FAT1: variants seen among roughly 807,000 people sequenced by gnomAD.
The protein encoded by FAT1 is FAT atypical cadherin 1.
A neutral mutation model predicts 329.8 loss-of-function variants in FAT1; 171 were observed. That is an observed-to-expected ratio of 0.52 (90% CI 0.46 to 0.59). The LOEUF is 0.59. Ranked by LOEUF, FAT1 falls within the 20% of genes least tolerant of loss-of-function variation. The probability of loss-of-function intolerance (pLI) is 0.00; values close to 1 mark genes in which losing one functional copy is unlikely to be tolerated. For synonymous variants in FAT1, 2,233 were observed against 2,228.6 expected (o/e 1.00, Z -0.06); for missense variants, 5,672 against 5,774.4 (o/e 0.98, Z 0.57).
chr4:186,655,768 A>G (rs1048240551), intron 3 of FAT1, among the ~76,000 whole-genome samples: 1 of 152,248 alleles, frequency 6.6e-6, no homozygotes, highest in African/African-American at 2.4e-5. Context: ...CAATACTGTT[A>G]TGGAAAAACC....
intron 4 of FAT1, among the ~76,000 whole-genome samples, chr4:186,638,995 G>A (rs938215651): frequency 8.7e-5 from 13 of 149,522 alleles, no homozygotes; most frequent in Non-Finnish European, 1.3e-4. Flanking sequence ...TCCATGTTAC[G>A]CTCCACCTTC....
At chr4:186,675,179 T>TA (rs1393653286) in intron 2 of FAT1, among the ~76,000 whole-genome samples, 2 of 152,000 alleles carry the variant, frequency 1.3e-5, no homozygotes, top group African/African-American at 2.4e-5. Flanking sequence ...TTATTAACTA[T>TA]AAAAAAACTA....
intron 9 of FAT1, among the ~76,000 whole-genome samples, chr4:186,627,291 C>T (rs1056421361): frequency 6.9e-6 from 1 of 143,962 alleles, no homozygotes; most frequent in African/African-American, 2.6e-5. Flanking sequence ...GCACATAAAG[C>T]GAGCTTCATC....
In FAT1 at chr4:186,619,191, C is replaced by G. The variant is rs1739894569; in HGVS notation, c.7395G>C (p.Leu2465=). 1 of 1,613,958 alleles carries G rather than the reference C, an allele frequency of 6.2e-7. No homozygotes were observed. Among genetic ancestry groups the G allele is most frequent in the African/African-American group, 1.3e-5 (1 of 75,044 alleles). ...HALKPFYSLN[L]SVSDGVFRSS... ...TTCTAAAAACTCCATCAGACACTGA[C>G]AGGTTAAGACTGTAAAATGGCTTCA... The change falls in exon 10 of 27, where the codon CTG becomes CTC. Residue 2465 remains leucine (L), a synonymous_variant. Coordinates refer to ENST00000441802, the MANE Select transcript of FAT1 (RefSeq NM_005245.4).
intron 16 of FAT1, among the ~76,000 whole-genome samples, chr4:186,608,378 AT>A (rs1005886919): frequency 2.0e-5 from 3 of 151,572 alleles, no homozygotes; most frequent in African/African-American, 4.8e-5. Flanking sequence ...TCGGGGTTGT[AT>A]TTTTTTTGTT....
intron 2 of FAT1, among the ~76,000 whole-genome samples, chr4:186,695,020 G>C (rs1403284390): frequency 6.6e-6 from 1 of 152,088 alleles, no homozygotes; most frequent in Non-Finnish European, 1.5e-5. Flanking sequence ...ATAGTTGGGT[G>C]AGCTCAATTT....
At position 186,709,262 on chromosome 4, in the gene FAT1, T is replaced by C. The variant is rs755356962; in HGVS notation, c.566A>G (p.Lys189Arg). 9.3e-6 allele frequency: 15 copies of C among 1,613,996 alleles called. No homozygotes were observed. Among genetic ancestry groups the C allele is most frequent in the Non-Finnish European group, 1.3e-5 (15 of 1,179,904 alleles). ...GTNGEFYYSF[K>R]DRTDMFAIHP... ...AATAGCAAACATATCTGTTCGATCT[T>C]TAAAACTGTAGTAAAATTCCCCGTT... Residue 189 changes from lysine (K) to arginine (R), a missense_variant, in exon 2 of 27, where the codon AAA becomes AGA. Coordinates refer to ENST00000441802, the MANE Select transcript of FAT1 (RefSeq NM_005245.4).
At chr4:186,601,134 T>A in intron 21 of FAT1, 135 bp downstream of exon 21, 1 of 792,932 alleles carries the variant, frequency 1.3e-6, no homozygotes, top group East Asian at 2.7e-5. Flanking sequence ...TGTACAGGCA[T>A]CAATGAATTA....
At chr4:186,622,393 A>G (rs894103036) in intron 9 of FAT1, among the ~76,000 whole-genome samples, 11 of 152,068 alleles carry the variant, frequency 7.2e-5, no homozygotes, top group Non-Finnish European at 1.3e-4. Context: ...TCCCTAGGAG[A>G]CATCTGGTAA....
chr4:186,669,861 G>C (rs1024654114), intron 2 of FAT1, among the ~76,000 whole-genome samples: 1 of 152,200 alleles, frequency 6.6e-6, no homozygotes, highest in Non-Finnish European at 1.5e-5. Flanking sequence ...TCCAATAAAC[G>C]GTTCAAAAGT....
chr4:186,722,216 CG>C (rs1390511920), intron 1 of FAT1, among the ~76,000 whole-genome samples: 2 of 152,176 alleles, frequency 1.3e-5, no homozygotes, highest in Non-Finnish European at 2.9e-5. Context: ...GAGAACCCAA[CG>C]GGGATACTTC....
At chr4:186,613,673 A>G (rs1296916494) in intron 12 of FAT1, among the ~76,000 whole-genome samples, 1 of 152,244 alleles carries the variant, frequency 6.6e-6, no homozygotes, top group Non-Finnish European at 1.5e-5. Context: ...TCACATGTTC[A>G]CAATTAGTTC....
intron 3 of FAT1, among the ~76,000 whole-genome samples, chr4:186,653,365 T>C (rs1219868148): frequency 6.6e-6 from 1 of 152,238 alleles, no homozygotes; most frequent in African/African-American, 2.4e-5. Context: ...TTGATACTGA[T>C]ACTCTAATTG....
chr4:186,644,903 A>G (rs1741284702), intron 3 of FAT1, among the ~76,000 whole-genome samples: 1 of 152,206 alleles, frequency 6.6e-6, no homozygotes, highest in Non-Finnish European at 1.5e-5. Context: ...GAAAGTGGAG[A>G]TAAGACAGTC....
chr4:186,611,713 C>T lies in FAT1; in HGVS notation c.9526G>A (p.Glu3176Lys), dbSNP rs762890230. ...DSADGQFSINELSGIIQLEKP... is the reference protein window; with the variant it reads ...DSADGQFSINKLSGIIQLEKP... The stretch of plus-strand genomic sequence containing the variant: ...TCTAACTGAATAATTCCAGATAATT[C>T]GTTAATGGAGAACTGCCCATCAGCA... The change falls in exon 14 of 27, where the codon GAA (glutamate) becomes AAA (lysine). Residue 3176 changes from glutamate (E) to lysine (K), a missense_variant. Around this residue, in one of 2 missense-constraint regions of FAT1, gnomAD observed 1,706 missense variants for 1,859.1 expected, o/e 0.92. Transcript: ENST00000441802. The T allele has an allele frequency of 8.8e-6, 14 of 1,594,740 alleles. No homozygotes were observed. The highest frequency in any genetic ancestry group is 3.4e-5 in the South Asian group (3 of 88,164).
intron 3 of FAT1, among the ~76,000 whole-genome samples, chr4:186,650,908 C>G (rs1047104889): frequency 5.9e-5 from 9 of 151,954 alleles, no homozygotes; most frequent in African/African-American, 2.2e-4. Context: ...CAGGGACCAA[C>G]CAGATGCATG....
intron 3 of FAT1, among the ~76,000 whole-genome samples, chr4:186,648,657 C>T (rs1741489558): frequency 6.6e-6 from 1 of 152,148 alleles, no homozygotes; most frequent in Admixed American, 6.5e-5. Flanking sequence ...AGGTCTGAGT[C>T]AGCAGGAGAA....
At chr4:186,718,562 G>A (rs753180138) in intron 1 of FAT1, among the ~76,000 whole-genome samples, 12 of 152,274 alleles carry the variant, frequency 7.9e-5, no homozygotes, top group Middle Eastern at 3.4e-3. Context: ...AGCTACTCAG[G>A]AGGCTGAAGC....
At chr4:186,699,668 T>C (rs1232978695) in intron 2 of FAT1, among the ~76,000 whole-genome samples, 1 of 150,234 alleles carries the variant, frequency 6.7e-6, no homozygotes, top group South Asian at 2.1e-4. Flanking sequence ...GCATGCACTA[T>C]TTATAAGCAG....
Sources: gnomAD v4.1 joint callset for allele counts (sites outside exome capture counted in the v4.1 genomes callset) on GRCh38, gnomAD v4.1.1 for gene constraint, gnomAD v4.1.1 regional missense constraint, MANE v1.5 for transcripts, NCBI Gene and HGNC (gene_info 2026-07-23, HGNC 2026-07-21) for gene names.